The following SLC33A1 variants were observed in gnomAD, a reference collection of about 807,000 sequenced individuals.
SLC33A1 encodes solute carrier family 33 member 1.
SLC33A1 carries 20 observed loss-of-function variants against 50.0 expected under a neutral mutation model. The ratio of observed to expected loss-of-function variants is 0.40; its 90% CI spans 0.28 to 0.58. SLC33A1 has a LOEUF of 0.58. Ranked by LOEUF, SLC33A1 falls within the 20% of genes least tolerant of loss-of-function variation. The pLI is 0.44. For missense variants in SLC33A1, 476 were observed against 657.0 expected, an observed-to-expected ratio of 0.72 and a Z score of 3.01; for synonymous variants, 265 against 251.8, an observed-to-expected ratio of 1.05 and a Z score of -0.50.
chr3:155,853,858 C>T lies in SLC33A1; in HGVS notation c.140G>A (p.Gly47Glu), dbSNP rs138157382. ...DSHLDSAGRE[G>E]DREALLGDTG... ...ATCCCCCAGAAGAGCTTCTCTGTCCCCTTCCCGGCCCGCTGAGTCCAAATG... is the reference window on the plus strand; with the variant it reads ...ATCCCCCAGAAGAGCTTCTCTGTCCTCTTCCCGGCCCGCTGAGTCCAAATG... Residue 47 changes from glycine (G) to glutamate (E), a missense_variant, in exon 1 of 6, where the codon GGG (glycine) becomes GAG (glutamate). Physicochemically the swap from Gly to Glu is moderately conservative, Grantham distance 98. Coordinates refer to ENST00000643144, the MANE Select transcript of SLC33A1 (RefSeq NM_004733.4). 1.6e-5 allele frequency: 26 copies of T among 1,584,508 alleles called. No homozygotes were observed. In the African/African-American group the frequency reaches 3.3e-4, roughly 20 times the overall value.
Position 155,826,992 on chromosome 3 carries a change from G to GT in SLC33A1, c.*1217dup, listed in dbSNP as rs1443117849. ...CATGCAAAGAACCTTATCACTGGGTGTATGTAATACGCTGGGAATTGCTAA... is the reference window on the plus strand; with the variant it reads ...CATGCAAAGAACCTTATCACTGGGTGTTATGTAATACGCTGGGAATTGCTAA... On this transcript the variant is annotated 3_prime_UTR_variant, in exon 6 of 6. Coordinates refer to ENST00000643144, the MANE Select transcript of SLC33A1 (RefSeq NM_004733.4). 6.6e-6 allele frequency: 1 copy of GT among 152,128 alleles called. No individual in the cohort carries two copies. The highest frequency in any genetic ancestry group is 1.5e-5 in the Non-Finnish European group (1 of 68,026). 9.4% of individuals were successfully genotyped at this position (152,128 alleles called of 1,614,324 possible).
chr3:155,825,912 T>C lies in SLC33A1; in HGVS notation c.*2298A>G, dbSNP rs1752185257. On this transcript the variant is annotated 3_prime_UTR_variant, in exon 6 of 6. Transcript: ENST00000643144. Reference sequence around the variant, plus strand: ...ATTTTTAAATGCCATTAGTGATCAATGTATGCAACACAGTTGCACATAGCT... The same window carrying C: ...ATTTTTAAATGCCATTAGTGATCAACGTATGCAACACAGTTGCACATAGCT... 1 of 152,250 alleles carries C rather than the reference T, an allele frequency of 6.6e-6. No homozygotes were observed. The highest frequency in any genetic ancestry group is 1.5e-5 in the Non-Finnish European group (1 of 68,038). The allele number at this position is 152,250 out of a possible 1,614,324, so 9.4% of individuals were successfully genotyped here. A position where few individuals can be genotyped will look rare whatever the true frequency, so the allele number is the denominator to read the frequency against.
intron 2 of SLC33A1, among the ~76,000 whole-genome samples, chr3:155,840,938 T>C (rs1752912719): frequency 6.6e-6 from 1 of 152,062 alleles, no homozygotes; most frequent in Non-Finnish European, 1.5e-5. Context: ...TGAGCTGAGA[T>C]TGTGCCACTG....
At position 155,853,231 on chromosome 3, in the gene SLC33A1, G is replaced by C; in HGVS notation, c.767C>G (p.Thr256Ser). ...RFQPQPRGIV[T>S]LSDFLFFWGT... is the part of the protein sequence containing the mutation. ...TAGCTTAAATACACTACCTGAAAGAGTAACGATTCCTCTGGGTTGAGGCTG... is the reference window on the plus strand; with the variant it reads ...TAGCTTAAATACACTACCTGAAAGACTAACGATTCCTCTGGGTTGAGGCTG... Residue 256 changes from threonine (T) to serine (S), a missense_variant, in exon 1 of 6, where the codon ACT becomes AGT. Coordinates refer to ENST00000643144, the MANE Select transcript of SLC33A1 (RefSeq NM_004733.4). 6.2e-7 allele frequency: 1 copy of C among 1,613,442 alleles called. No individual in the cohort carries two copies. The highest frequency in any genetic ancestry group is 8.5e-7 in the Non-Finnish European group (1 of 1,179,480).
Position 155,853,286 on chromosome 3 carries a change from C to T in SLC33A1, c.712G>A (p.Ala238Thr), listed in dbSNP as rs1577481808. The T allele has an allele frequency of 6.2e-6, 10 of 1,613,924 alleles. No individual in the cohort carries two copies. Among genetic ancestry groups the T allele is most frequent in the African/African-American group, 1.3e-5 (1 of 74,930 alleles). ...CGCAAATATTTGTTACAAAAGTCGGCAGATTCAAGGGCCAAAAACAAAACA... is the reference window on the plus strand; with the variant it reads ...CGCAAATATTTGTTACAAAAGTCGGTAGATTCAAGGGCCAAAAACAAAACA... Reference protein sequence around the residue: ...GNVLFLALESADFCNKYLRFQ... With the variant: ...GNVLFLALESTDFCNKYLRFQ... Residue 238 changes from alanine (A) to threonine (T), a missense_variant, in exon 1 of 6, where the codon GCC (alanine) becomes ACC (threonine). By Grantham distance (58) the Ala-to-Thr change is moderately conservative (BLOSUM62 0). Transcript: ENST00000643144.
intron 4 of SLC33A1, among the ~76,000 whole-genome samples, chr3:155,833,185 G>A (rs900887881): frequency 6.6e-6 from 1 of 152,070 alleles, no homozygotes; most frequent in Non-Finnish European, 1.5e-5. Context: ...GGAGGTGGAG[G>A]TTGCAGTGAG....
At chr3:155,828,738 C>T (rs1354340215) in intron 5 of SLC33A1, among the ~76,000 whole-genome samples, 1 of 151,624 alleles carries the variant, frequency 6.6e-6, no homozygotes, top group Non-Finnish European at 1.5e-5. Flanking sequence ...CACAGGCGTG[C>T]ACCACCATGC....
In SLC33A1 at chr3:155,853,491, G is replaced by A. The variant is rs755616445; in HGVS notation, c.507C>T (p.Thr169=). The A allele has an allele frequency of 1.9e-6, 3 of 1,613,898 alleles. No homozygotes were observed. The highest frequency in any genetic ancestry group is 1.6e-4 in the Middle Eastern group (1 of 6,084). The part of the protein sequence containing the change: ...STQVDRLLGN[T]DDRTPDVIAL... ...CAATCACGTCGGGTGTTCTGTCATC[G>A]GTATTCCCAAGCAAACGGTCCACCT... is the stretch of plus-strand genomic sequence containing the variant. The change falls in exon 1 of 6, where the codon ACC becomes ACT. Residue 169 remains threonine (T), a synonymous_variant. Coordinates refer to ENST00000643144, the MANE Select transcript of SLC33A1 (RefSeq NM_004733.4).
At chr3:155,830,351 C>A (rs574161051) in intron 4 of SLC33A1, among the ~76,000 whole-genome samples, 2 of 150,766 alleles carry the variant, frequency 1.3e-5, no homozygotes, top group South Asian at 4.2e-4. Flanking sequence ...CCAGCCTGGG[C>A]GACAGAGGGA....
In SLC33A1 at chr3:155,846,006, G is replaced by A. The variant is rs184110405; in HGVS notation, c.776-3387C>T. On this transcript the variant is annotated intron_variant, in intron 1 of 5. Transcript: ENST00000643144. ...TTCAAGTTTCATAAACATGATTTCC[G>A]AGTAAAGACCTAAAAAACAGACTAA... Among the ~76,000 whole-genome samples the A allele has an allele frequency of 2.7e-3, 413 of 152,246 alleles. 1 individual carries two copies. The highest frequency in any genetic ancestry group is 4.8e-3 in the Non-Finnish European group (329 of 68,020).
chr3:155,849,829 G>A lies in SLC33A1; in HGVS notation c.775+3394C>T, dbSNP rs1255067835. ...AGGCTGAGGCAGCAGAATAGCTTGA[G>A]CCCTGGAGGGGGAAGTTGCAGTGAG... On this transcript the variant is annotated intron_variant, in intron 1 of 5. Coordinates refer to ENST00000643144, the MANE Select transcript of SLC33A1 (RefSeq NM_004733.4). 2.7e-5 allele frequency among the ~76,000 whole-genome samples: 4 copies of A among 150,118 alleles called. No homozygotes were observed. The Admixed American group carries it at 2.7e-4, about 10-fold the overall frequency.
At chr3:155,844,049 A>C (rs1753030416) in intron 1 of SLC33A1, among the ~76,000 whole-genome samples, 1 of 152,132 alleles carries the variant, frequency 6.6e-6, no homozygotes, top group Non-Finnish European at 1.5e-5. Flanking sequence ...CTTCTCAAAA[A>C]CAATTAGAAT....
intron 1 of SLC33A1, chr3:155,844,656 C>T (rs138663962): frequency 0.048 from 7,273 of 150,844 alleles, 242 homozygotes; most frequent in Middle Eastern, 0.18. Context: ...TCAGTAGAGA[C>T]GGGGTTTCAC....
At chr3:155,835,155 G>C (rs1036368101) in intron 2 of SLC33A1, among the ~76,000 whole-genome samples, 2 of 152,094 alleles carry the variant, frequency 1.3e-5, no homozygotes, top group African/African-American at 4.8e-5. Context: ...GGATAAAAGT[G>C]CATAATGTGT....
chr3:155,853,046 A>AT (rs1753463852), intron 1 of SLC33A1, 177 bp downstream of exon 1: 9 of 632,864 alleles, frequency 1.4e-5, no homozygotes, highest in Non-Finnish European at 2.5e-5. Flanking sequence ...GATTGCTCTA[A>AT]TATCATTCAT....
chr3:155,832,723 CAAAAAAAAAAAA>C (rs11303771), intron 4 of SLC33A1, among the ~76,000 whole-genome samples: 11 of 28,134 alleles, frequency 3.9e-4, no homozygotes, highest in African/African-American at 5.4e-4. Flanking sequence ...GACTCTGTCT[CAAAAAAAAAAAA>C]AAAAAAAAAA....
Position 155,829,134 on chromosome 3 carries a change from T to C in SLC33A1, c.1482+554A>G, listed in dbSNP as rs140704583. Among the ~76,000 whole-genome samples the C allele has an allele frequency of 4.6e-3, 706 of 152,176 alleles. 12 individuals carry two copies. The highest frequency in any genetic ancestry group is 0.016 in the African/African-American group (664 of 41,514). On this transcript the variant is annotated intron_variant, in intron 5 of 5. Transcript: ENST00000643144. ...CCAGGCTGGTGTCAAACTCCTGAGC[T>C]CAGGCAATCCACCCGCCTTAGCCTC... is the stretch of plus-strand genomic sequence containing the variant.
intron 1 of SLC33A1, among the ~76,000 whole-genome samples, chr3:155,845,662 T>C (rs1161634966): frequency 2.0e-5 from 3 of 152,194 alleles, no homozygotes; most frequent in Non-Finnish European, 4.4e-5. Flanking sequence ...TTAAGAAGTT[T>C]TATGAACACA....
In SLC33A1 at chr3:155,825,153, T is replaced by A. The variant is rs1340362426; in HGVS notation, c.*3057A>T. ...TACCAGAGAGGCTGAGGTGGAAAGA[T>A]CCTTTTTTGTTGTTGAGACAGGGTC... is the stretch of plus-strand genomic sequence containing the variant. On this transcript the variant is annotated 3_prime_UTR_variant, in exon 6 of 6. Coordinates refer to ENST00000643144, the MANE Select transcript of SLC33A1 (RefSeq NM_004733.4). 1.3e-5 allele frequency: 2 copies of A among 152,016 alleles called. No homozygotes were observed. Among genetic ancestry groups the A allele is most frequent in the African/African-American group, 2.4e-5 (1 of 41,380 alleles). The allele number at this position is 152,016 out of a possible 1,614,324, so 9.4% of individuals were successfully genotyped here.
Sources: allele counts gnomAD v4.1 joint callset (sites outside exome capture counted in the v4.1 genomes callset), GRCh38; gene constraint gnomAD v4.1.1; transcripts MANE v1.5; gene names NCBI Gene and HGNC (gene_info 2026-07-23, HGNC 2026-07-21).